CBLB: variants seen among roughly 807,000 people sequenced by gnomAD.
CBLB encodes E3 ubiquitin-protein ligase CBL-B.
Under a neutral mutation model 104.9 loss-of-function variants are expected in CBLB, and 31 were observed. The ratio of observed to expected loss-of-function variants is 0.30; its 90% confidence interval spans 0.22 to 0.40. The LOEUF (loss-of-function observed/expected upper bound fraction) is 0.40, where lower values mean the gene tolerates loss of function less well. Ranked by LOEUF, CBLB falls within the 10% of genes least tolerant of loss-of-function variation. The pLI, the probability that CBLB is intolerant of heterozygous loss-of-function variation, is 1.00. For synonymous variants in CBLB, 440 were observed against 422.6 expected, an observed-to-expected ratio of 1.04 and a Z score of -0.51; for missense variants, 1,062 against 1,214.6, an observed-to-expected ratio of 0.87 and a Z score of 1.87.
intron 3 of CBLB, among the ~76,000 whole-genome samples, chr3:105,807,391 T>G (rs1456913310): frequency 6.6e-6 from 1 of 152,162 alleles, no homozygotes. Flanking sequence ...ACCTCGTAGG[T>G]AGAGATATTC....
At chr3:105,769,328 A>T (rs921932471) in intron 4 of CBLB, among the ~76,000 whole-genome samples, 1 of 152,166 alleles carries the variant, frequency 6.6e-6, no homozygotes, top group Non-Finnish European at 1.5e-5. Context: ...AAAAAAAAAA[A>T]ATTATTATTG....
Position 105,868,741 on chromosome 3 carries a change from G to C in CBLB, c.-20C>G. 2 of 990,134 alleles carry C rather than the reference G, an allele frequency of 2.0e-6. No homozygotes were observed. The highest frequency in any genetic ancestry group is 2.4e-6 in the Non-Finnish European group (2 of 832,620). 61.3% of individuals were successfully genotyped at this position (990,134 alleles called of 1,614,324 possible). On this transcript the variant is annotated 5_prime_UTR_variant, in exon 1 of 19. Coordinates refer to ENST00000394030, the MANE Select transcript of CBLB (RefSeq NM_170662.5). ...GCGACCCCTTCCCTTCTTGCCTTTC[G>C]GCGCCGTAGCTGTCCAGAGACACGC...
chr3:105,859,433 C>T (rs1462795192), intron 2 of CBLB, among the ~76,000 whole-genome samples: 3 of 152,100 alleles, frequency 2.0e-5, no homozygotes, highest in Admixed American at 6.5e-5. Flanking sequence ...GAGCGGATCA[C>T]GAGGTCAGGA....
intron 3 of CBLB, among the ~76,000 whole-genome samples, chr3:105,786,995 AT>A (rs1296981202): frequency 8.5e-5 from 13 of 152,286 alleles, no homozygotes; most frequent in African/African-American, 2.9e-4. Flanking sequence ...TTAGATGTCA[AT>A]GGTCTCACAG....
chr3:105,783,796 G>C (rs1163647374), intron 3 of CBLB, among the ~76,000 whole-genome samples: 1 of 152,198 alleles, frequency 6.6e-6, no homozygotes, highest in Non-Finnish European at 1.5e-5. Context: ...AGCTACAGCA[G>C]AGTGAAGGTG....
chr3:105,725,725 C>T (rs964033385), intron 9 of CBLB, among the ~76,000 whole-genome samples: 1 of 152,168 alleles, frequency 6.6e-6, no homozygotes, highest in Non-Finnish European at 1.5e-5. Context: ...CAATTTAAAA[C>T]GTTCGTAAAG....
chr3:105,761,835 G>A (rs1355400566), intron 4 of CBLB, among the ~76,000 whole-genome samples: 1 of 152,190 alleles, frequency 6.6e-6, no homozygotes, highest in African/African-American at 2.4e-5. Flanking sequence ...GAAGAAGAGA[G>A]GAAGATGTGG....
chr3:105,841,829 G>C (rs2089592817), intron 3 of CBLB, among the ~76,000 whole-genome samples: 1 of 152,062 alleles, frequency 6.6e-6, no homozygotes, highest in Non-Finnish European at 1.5e-5. Flanking sequence ...ATTCAAAACT[G>C]AGAACATGAG....
intron 3 of CBLB, among the ~76,000 whole-genome samples, chr3:105,806,401 T>C (rs2083495496): frequency 6.7e-6 from 1 of 149,666 alleles, no homozygotes; most frequent in Non-Finnish European, 1.5e-5. Flanking sequence ...TATTCTCAAA[T>C]ATTCATAAAA....
At chr3:105,827,432 A>G (rs2086759285) in intron 3 of CBLB, among the ~76,000 whole-genome samples, 1 of 152,100 alleles carries the variant, frequency 6.6e-6, no homozygotes, top group Non-Finnish European at 1.5e-5. Flanking sequence ...GCATTTTTCC[A>G]TCCATTACAA....
chr3:105,834,746 A>G (rs1157085739), intron 3 of CBLB, among the ~76,000 whole-genome samples: 1 of 152,226 alleles, frequency 6.6e-6, no homozygotes, highest in Non-Finnish European at 1.5e-5. Context: ...AATGAACTCA[A>G]GTATTCAGAA....
chr3:105,853,712 A>G, intron 2 of CBLB, 48 bp from the exon 3 acceptor site: 2 of 1,353,570 alleles, frequency 1.5e-6, no homozygotes, highest in Non-Finnish European at 2.0e-6. Flanking sequence ...TTTATTTCAC[A>G]GAAAAATTAA....
intron 10 of CBLB, among the ~76,000 whole-genome samples, chr3:105,708,909 A>G (rs1466846887): frequency 6.6e-6 from 1 of 151,998 alleles, no homozygotes; most frequent in Non-Finnish European, 1.5e-5. Context: ...AAGGGACAGA[A>G]TGTAATCTAT....
At chr3:105,771,630 A>G (rs2078886321) in intron 4 of CBLB, among the ~76,000 whole-genome samples, 1 of 152,142 alleles carries the variant, frequency 6.6e-6, no homozygotes, top group Non-Finnish European at 1.5e-5. Flanking sequence ...TATACCTAGA[A>G]AAGCCTCAAG....
chr3:105,847,613 C>CT (rs3996188), intron 3 of CBLB, among the ~76,000 whole-genome samples: 2 of 151,672 alleles, frequency 1.3e-5, no homozygotes, highest in Admixed American at 1.3e-4. Context: ...CCTCAGTTGA[C>CT]TTTTTTTCCA....
At chr3:105,843,711 T>G (rs943227938) in intron 3 of CBLB, among the ~76,000 whole-genome samples, 1 of 152,176 alleles carries the variant, frequency 6.6e-6, no homozygotes, top group Admixed American at 6.5e-5. Flanking sequence ...AATGCATAAA[T>G]TAACCATGCA....
chr3:105,809,217 A>T (rs986595854), intron 3 of CBLB, among the ~76,000 whole-genome samples: 1 of 152,238 alleles, frequency 6.6e-6, no homozygotes, highest in Non-Finnish European at 1.5e-5. Flanking sequence ...ATAACATCAG[A>T]AGTAGTTTAA....
chr3:105,815,816 CTAGA>C (rs1390282422), intron 3 of CBLB, among the ~76,000 whole-genome samples: 1 of 152,080 alleles, frequency 6.6e-6, no homozygotes, highest in African/African-American at 2.4e-5. Context: ...CAATGTTAGA[CTAGA>C]TAAAGAAAAT....
intron 18 of CBLB, among the ~76,000 whole-genome samples, chr3:105,667,949 T>G (rs2064656303): frequency 6.6e-6 from 1 of 152,138 alleles, no homozygotes; most frequent in South Asian, 2.1e-4. Context: ...GTCTCAAGGG[T>G]TGAATGGAAA....
Sources: gnomAD v4.1 joint callset for allele counts (sites outside exome capture counted in the v4.1 genomes callset) on GRCh38, gnomAD v4.1.1 for gene constraint, MANE v1.5 for transcripts, NCBI Gene and HGNC (gene_info 2026-07-23, HGNC 2026-07-21) for gene names.